ADGRD2: variants seen among roughly 807,000 people sequenced by gnomAD.
The protein encoded by ADGRD2 is adhesion G protein-coupled receptor D2.
A neutral mutation model predicts 44.4 loss-of-function variants in ADGRD2; 71 were observed. The observed-to-expected ratio is 1.60, with a 90% CI of 1.32 to 1.95. The LOEUF is 1.95. Among genes scored for constraint, ADGRD2 ranks in the 30% most tolerant of loss-of-function variants. ADGRD2 has a pLI of 0.00. For synonymous variants in ADGRD2, 481 were observed against 224.8 expected (o/e 2.14, Z -10.19); for missense variants, 1,039 against 512.4 (o/e 2.03, Z -9.92).
At chr9:124,458,582 C>T in intron 9 of ADGRD2, 34 bp from the exon 13 acceptor site, 2 of 715,474 alleles carry the variant, frequency 2.8e-6, no homozygotes, top group Non-Finnish European at 2.6e-6. Context: ...CCCTCCTCCA[C>T]AGCCACCCTT....
intron 3 of ADGRD2, 100 bp from the exon 7 acceptor site, chr9:124,453,899 C>T: frequency 2.4e-6 from 1 of 418,526 alleles, no homozygotes; most frequent in South Asian, 2.1e-5. Flanking sequence ...GCAACAGTGT[C>T]CCTCTCTCAG....
chr9:124,472,437 TTTG>T (rs1831962222), intron 17 of ADGRD2, among the ~76,000 whole-genome samples: 2 of 149,818 alleles, frequency 1.3e-5, no homozygotes, highest in African/African-American at 2.5e-5. Flanking sequence ...GGTTTGTTTT[TTTG>T]TTTGTTTGTT....
At position 124,477,145 on chromosome 9, in the gene ADGRD2, C is replaced by T. The variant is rs77583122; in HGVS notation, c.*18+436C>T. 9.7e-3 allele frequency: 4,363 copies of T among 449,734 alleles called. 57 individuals carry two copies. The highest frequency in any genetic ancestry group is 0.012 in the Non-Finnish European group (2,641 of 218,310). 27.9% of individuals were successfully genotyped at this position (449,734 alleles called of 1,614,324 possible). A position where few individuals can be genotyped will look rare whatever the true frequency, so the allele number is the denominator to read the frequency against. ...TTCCAAACCCGCTGAGGGAGAAGTG[C>T]TTTCCTCCAAGGCTGCGGGTCACCA... is the stretch of plus-strand genomic sequence containing the variant. On this transcript the variant is annotated intron_variant, in intron 21 of 21. Transcript: ENST00000334810.
In ADGRD2 at chr9:124,475,456, T is replaced by A. The variant is rs757309511; in HGVS notation, c.2771T>A (p.Ile924Asn). The A allele has an allele frequency of 8.4e-6, 6 of 713,588 alleles. No homozygotes were observed. The Admixed American group carries it at 1.2e-4, about 14-fold the overall frequency. 44.2% of individuals were successfully genotyped at this position (713,588 alleles called of 1,614,324 possible). A position where few individuals can be genotyped will look rare whatever the true frequency, so the allele number is the denominator to read the frequency against. The change falls in exon 18 of 22, where the codon ATC (isoleucine) becomes AAC (asparagine). Residue 924 changes from isoleucine to asparagine, a missense_variant. Physicochemically the swap from Ile to Asn is moderately radical, Grantham distance 149 (BLOSUM62 -3). Coordinates refer to ENST00000334810, the Ensembl canonical transcript of ADGRD2. ...TGGGTCTGTCCTCAGGGGCTGTACA[T>A]CTTCCTGGTTTATGCTGCCTGCAAT...
chr9:124,476,904 G>A lies in ADGRD2; in HGVS notation c.*18+195G>A, dbSNP rs1832058877. On this transcript the variant is annotated intron_variant, in intron 21 of 21. Coordinates refer to ENST00000334810, the Ensembl canonical transcript of ADGRD2. ...GGGACCAGGCAGTACCCCTTGGGAG[G>A]ACTTCATTAGAGAGTAGGTCATGGA... 7.1e-6 allele frequency: 5 copies of A among 704,516 alleles called. No homozygotes were observed. The South Asian group carries it at 7.5e-5, about 11-fold the overall frequency. The allele number at this position is 704,516 out of a possible 1,614,324, so 43.6% of individuals were successfully genotyped here. A position where few individuals can be genotyped will look rare whatever the true frequency, so the allele number is the denominator to read the frequency against.
Position 124,453,690 on chromosome 9 carries a change from C to CGCCCCGGCCCCACCCCATG in ADGRD2, c.923+21_923+39dup. ...TTCTCTGTCCCGGTACGACCCGCCC[C>CGCCCCGGCCCCACCCCATG]GCCCCGGCCCCACCCCATGGCCCCG... is the stretch of plus-strand genomic sequence containing the variant. On this transcript the variant is annotated intron_variant, in intron 3 of 21. Transcript: ENST00000334810. 1.4e-6 allele frequency: 1 copy of CGCCCCGGCCCCACCCCATG among 691,024 alleles called. No individual in the cohort carries two copies. The highest frequency in any genetic ancestry group is 2.6e-6 in the Non-Finnish European group (1 of 380,046). The allele number at this position is 691,024 out of a possible 1,614,324, so 42.8% of individuals were successfully genotyped here.
intron 20 of ADGRD2, 34 bp downstream of exon 23, chr9:124,476,449 C>T (rs1832050772): frequency 2.9e-6 from 2 of 693,840 alleles, no homozygotes; most frequent in Non-Finnish European, 5.3e-6. Context: ...GCACAGGGCT[C>T]TGCCAGGGGG....
chr9:124,476,763 C>T (rs1038902977), intron 21 of ADGRD2, 54 bp downstream of exon 24: 6 of 680,422 alleles, frequency 8.8e-6, no homozygotes, highest in Non-Finnish European at 1.6e-5. Flanking sequence ...CTGGACACCC[C>T]CTAAGCCCCC....
At chr9:124,452,525 G>A (rs1273832973) in exon 2 of ADGRD2, 4 of 718,554 alleles carry the variant, frequency 5.6e-6, no homozygotes, top group Non-Finnish European at 1.0e-5. Context: ...GTGGCCGCCG[G>A]CGAGGTGGTG....
chr9:124,471,987 C>T (rs1831952928), intron 17 of ADGRD2, among the ~76,000 whole-genome samples: 1 of 152,234 alleles, frequency 6.6e-6, no homozygotes, highest in Non-Finnish European at 1.5e-5. Context: ...CCACCTGTCA[C>T]ACGGTGGGGC....
intron 8 of ADGRD2, 99 bp downstream of exon 11, chr9:124,457,705 A>G (rs1831644320): frequency 5.6e-6 from 3 of 538,514 alleles, no homozygotes; most frequent in Non-Finnish European, 1.0e-5. Context: ...TCAGATCCTC[A>G]GTTTGCTCGT....
chr9:124,457,513 A>T, exon 8 of ADGRD2: 1 of 682,370 alleles, frequency 1.5e-6, no homozygotes, highest in Non-Finnish European at 2.7e-6. Flanking sequence ...GGCCAGCACG[A>T]GGGGCTGCTT....
At chr9:124,452,618 G>A (rs1421992283) in exon 2 of ADGRD2, 1 of 718,436 alleles carries the variant, frequency 1.4e-6, no homozygotes, top group East Asian at 2.7e-5. Context: ...CAGCAGTTTG[G>A]CCACTTGGCA....
At chr9:124,475,874 G>A (rs1197839091) in intron 19 of ADGRD2, among the ~76,000 whole-genome samples, 2 of 152,204 alleles carry the variant, frequency 1.3e-5, no homozygotes, top group Non-Finnish European at 2.9e-5. Flanking sequence ...CTCAGGCAGA[G>A]CTGGGAGGAC....
At chr9:124,453,562 C>T (rs1220012314) in exon 3 of ADGRD2, 7 of 697,044 alleles carry the variant, frequency 1.0e-5, no homozygotes, top group South Asian at 4.5e-5. Flanking sequence ...TCAGCTGCAC[C>T]GGGCACGGGC....
At chr9:124,451,145 T>G (rs1479331668), upstream of ADGRD2, 1 of 472,088 alleles carries the variant, frequency 2.1e-6, no homozygotes, top group Non-Finnish European at 4.4e-6. Context: ...AACTCAGAAA[T>G]GGACGCACCT....
chr9:124,450,648 G>A (rs1554717928), upstream of ADGRD2, among the ~76,000 whole-genome samples: 1 of 152,252 alleles, frequency 6.6e-6, no homozygotes, highest in Non-Finnish European at 1.5e-5. Flanking sequence ...GCCTCAACGA[G>A]TGTTTGGAGA....
exon 3 of ADGRD2, chr9:124,453,187 G>T: frequency 1.5e-6 from 1 of 686,426 alleles, no homozygotes; most frequent in South Asian, 1.5e-5. Flanking sequence ...GCTCTTCTCC[G>T]TTGCCGCGCC....
chr9:124,452,690 G>T, exon 2 of ADGRD2: 1 of 716,488 alleles, frequency 1.4e-6, no homozygotes. Context: ...GTGGGCCAAA[G>T]AGAGGCCCCT....
Sources: allele counts gnomAD v4.1 joint callset (sites outside exome capture counted in the v4.1 genomes callset), GRCh38; gene constraint gnomAD v4.1.1; transcripts MANE v1.5; gene names NCBI Gene and HGNC (gene_info 2026-07-23, HGNC 2026-07-21).